SORCS2: variants seen among roughly 807,000 people sequenced by gnomAD.
SORCS2 encodes the protein VPS10 domain-containing receptor SorCS2.
SORCS2 carries 100 observed loss-of-function variants against 141.6 expected under a neutral mutation model. The observed-to-expected ratio is 0.71, with a 90% CI of 0.60 to 0.83. The LOEUF is 0.83. Among genes scored for constraint, SORCS2 ranks in the 40% least tolerant of loss-of-function variants. The pLI, the probability that SORCS2 is intolerant of heterozygous loss-of-function variation, is 0.00. For synonymous variants in SORCS2, 789 were observed against 676.9 expected (o/e 1.17, Z -2.57); for missense variants, 1,646 against 1,560.2 (o/e 1.05, Z -0.93).
intron 1 of SORCS2, among the ~76,000 whole-genome samples, chr4:7,358,274 G>A (rs945285933): frequency 6.6e-6 from 1 of 152,250 alleles, no homozygotes; most frequent in Middle Eastern, 3.2e-3. Context: ...CTGCATGCCA[G>A]GCACTTGCTT....
At chr4:7,484,869 G>C (rs1247655782) in intron 2 of SORCS2, among the ~76,000 whole-genome samples, 2 of 151,428 alleles carry the variant, frequency 1.3e-5, no homozygotes. Context: ...CATGCGGCCT[G>C]TCTCCTGCAT....
intron 1 of SORCS2, among the ~76,000 whole-genome samples, chr4:7,198,623 G>C (rs1727305235): frequency 6.6e-6 from 1 of 152,142 alleles, no homozygotes; most frequent in Non-Finnish European, 1.5e-5. Context: ...TCATCACCAA[G>C]GGTGTCCAGC....
At chr4:7,740,100 T>C (rs1207369568) in intron 26 of SORCS2, 100 bp from the exon 27 acceptor site, 2 of 982,142 alleles carry the variant, frequency 2.0e-6, no homozygotes, top group Admixed American at 4.0e-5. Context: ...CACTGCACGT[T>C]GGCTCGAGGC....
At chr4:7,320,848 C>T (rs1718852086) in intron 1 of SORCS2, among the ~76,000 whole-genome samples, 1 of 152,060 alleles carries the variant, frequency 6.6e-6, no homozygotes, top group Non-Finnish European at 1.5e-5. Context: ...GTGATGGGAC[C>T]CACCCTCCCT....
intron 3 of SORCS2, among the ~76,000 whole-genome samples, chr4:7,627,918 G>A (rs914222414): frequency 1.9e-4 from 29 of 152,216 alleles, no homozygotes; most frequent in African/African-American, 6.8e-4. Context: ...GGTCAGGCAC[G>A]CAGGAACCTT....
At chr4:7,221,069 C>T (rs939992711) in intron 1 of SORCS2, among the ~76,000 whole-genome samples, 14 of 152,192 alleles carry the variant, frequency 9.2e-5, no homozygotes, top group South Asian at 4.1e-4. Flanking sequence ...AGCTCAGTGA[C>T]GGCACCCAAT....
chr4:7,687,421 A>G (rs1018916154), intron 10 of SORCS2, among the ~76,000 whole-genome samples: 1 of 152,186 alleles, frequency 6.6e-6, no homozygotes, highest in South Asian at 2.1e-4. Flanking sequence ...TTTCCACTGT[A>G]AGAAATCAGA....
intron 2 of SORCS2, among the ~76,000 whole-genome samples, chr4:7,412,331 A>C (rs956752018): frequency 1.3e-5 from 2 of 152,110 alleles, no homozygotes; most frequent in African/African-American, 4.8e-5. Flanking sequence ...AGGGGTCTCA[A>C]CTTCTTCTGA....
chr4:7,741,581 C>T lies in SORCS2; in HGVS notation c.*1317C>T, dbSNP rs1712679936. 4.2e-6 allele frequency: 1 copy of T among 235,568 alleles called. No individual in the cohort carries two copies. Among genetic ancestry groups the T allele is most frequent in the Non-Finnish European group, 8.2e-6 (1 of 122,626 alleles). The allele number at this position is 235,568 out of a possible 1,614,324, so 14.6% of individuals were successfully genotyped here. A position where few individuals can be genotyped will look rare whatever the true frequency, so the allele number is the denominator to read the frequency against. On this transcript the variant is annotated 3_prime_UTR_variant, in exon 27 of 27. Transcript: ENST00000507866. ...TCTCAGAGGGGGAGAACGCCAGAGC[C>T]CTGGCTGGTGATGTGCTGGCTGGGG... is the stretch of plus-strand genomic sequence containing the variant.
chr4:7,652,973 C>A (rs984863162), intron 4 of SORCS2, among the ~76,000 whole-genome samples: 6 of 152,292 alleles, frequency 3.9e-5, no homozygotes, highest in Admixed American at 6.5e-5. Context: ...ACATTGTGCT[C>A]CCTGGCCCAC....
chr4:7,371,850 T>G (rs28451313), intron 1 of SORCS2, among the ~76,000 whole-genome samples: 1 of 152,036 alleles, frequency 6.6e-6, no homozygotes, highest in Non-Finnish European at 1.5e-5. Context: ...CTTCGAGCCT[T>G]GGTTTCCACC....
chr4:7,556,522 A>G (rs980466693), intron 3 of SORCS2, among the ~76,000 whole-genome samples: 1 of 152,184 alleles, frequency 6.6e-6, no homozygotes, highest in Non-Finnish European at 1.5e-5. Context: ...GGAAAGACCC[A>G]GGAGGCTGAG....
At chr4:7,504,950 G>A (rs1047231309) in intron 2 of SORCS2, among the ~76,000 whole-genome samples, 4 of 152,194 alleles carry the variant, frequency 2.6e-5, no homozygotes, top group Non-Finnish European at 5.9e-5. Flanking sequence ...CATGCATGAT[G>A]CTTCTTGAAC....
chr4:7,258,782 C>G lies in SORCS2; in HGVS notation c.480+65656C>G, dbSNP rs1231472076. The stretch of plus-strand genomic sequence containing the variant: ...CCGCCAACGGTGGGAAACATCCTCT[C>G]CAGCATGTTTCCTGACATTTTAATG... On this transcript the variant is annotated intron_variant, in intron 1 of 26. Transcript: ENST00000507866. Among the ~76,000 whole-genome samples, 6 of 152,266 alleles carry G rather than the reference C, an allele frequency of 3.9e-5. No individual in the cohort carries two copies. The East Asian group carries it at 9.7e-4, about 25-fold the overall frequency.
intron 3 of SORCS2, among the ~76,000 whole-genome samples, chr4:7,556,556 A>G (rs1391657093): frequency 6.6e-6 from 1 of 152,204 alleles, no homozygotes; most frequent in African/African-American, 2.4e-5. Context: ...CTCATGGGAA[A>G]TCTGCACAAA....
At chr4:7,680,726 G>A (rs1207611636) in intron 9 of SORCS2, among the ~76,000 whole-genome samples, 3 of 152,230 alleles carry the variant, frequency 2.0e-5, no homozygotes, top group African/African-American at 7.2e-5. Flanking sequence ...CTTGGCTCCT[G>A]ACTCTGTCTG....
chr4:7,475,983 C>A (rs1021466674), intron 2 of SORCS2, among the ~76,000 whole-genome samples: 1 of 152,134 alleles, frequency 6.6e-6, no homozygotes, highest in Non-Finnish European at 1.5e-5. Flanking sequence ...GGGCTTCCCT[C>A]GGCTGCCTAG....
intron 1 of SORCS2, among the ~76,000 whole-genome samples, chr4:7,206,592 A>G (rs1404254018): frequency 1.3e-5 from 2 of 152,126 alleles, no homozygotes; most frequent in Non-Finnish European, 2.9e-5. Flanking sequence ...TGCCAGAGAG[A>G]CAGACAGATT....
At chr4:7,719,971 G>A (rs934795370) in intron 18 of SORCS2, among the ~76,000 whole-genome samples, 3 of 152,134 alleles carry the variant, frequency 2.0e-5, no homozygotes, top group Non-Finnish European at 2.9e-5. Flanking sequence ...GAGGCCACCC[G>A]CTACGCTAGG....
Sources: allele counts gnomAD v4.1 joint callset (sites outside exome capture counted in the v4.1 genomes callset), GRCh38; gene constraint gnomAD v4.1.1; transcripts MANE v1.5; gene names NCBI Gene and HGNC (gene_info 2026-07-23, HGNC 2026-07-21).